The following LDLRAD4 variants were observed in gnomAD, a reference collection of about 807,000 sequenced individuals.
LDLRAD4 encodes the protein low density lipoprotein receptor class A domain containing 4, also known as low-density lipoprotein receptor class A domain-containing protein 4.
Under a neutral mutation model 17.0 loss-of-function variants are expected in LDLRAD4, and 5 were observed. That is an observed-to-expected ratio of 0.29 (90% confidence interval 0.15 to 0.62). The LOEUF (loss-of-function observed/expected upper bound fraction) is 0.62. Among genes scored for constraint, LDLRAD4 ranks in the 20% least tolerant of loss-of-function variants. The probability of loss-of-function intolerance (pLI) is 0.84; values close to 1 mark genes in which losing one functional copy is unlikely to be tolerated. For synonymous variants in LDLRAD4, 168 were observed against 171.8 expected (o/e 0.98, Z 0.17); for missense variants, 340 against 424.7 (o/e 0.80, Z 1.75).
intron 1 of LDLRAD4, among the ~76,000 whole-genome samples, chr18:13,258,358 G>C (rs1373636831): frequency 6.6e-6 from 1 of 151,634 alleles, no homozygotes; most frequent in Non-Finnish European, 1.5e-5. Context: ...TTAATTCTAC[G>C]AAATCCTTTT....
intron 3 of LDLRAD4, among the ~76,000 whole-genome samples, chr18:13,490,902 C>G (rs2093345078): frequency 6.6e-6 from 1 of 152,214 alleles, no homozygotes; most frequent in South Asian, 2.1e-4. Context: ...CACCCCCTGT[C>G]CCCTTTAGAT....
chr18:13,226,639 A>G lies in LDLRAD4; in HGVS notation c.-467+7651A>G, dbSNP rs1243925511. ...TTTTGCTGTTTGCTAGAATTTTGTT[A>G]AGGCCAAACATCATAATGTCAGTGG... is the stretch of plus-strand genomic sequence containing the variant. On this transcript the variant is annotated intron_variant, in intron 1 of 5. Coordinates refer to the LDLRAD4 transcript ENST00000399848. Among the ~76,000 whole-genome samples, 2 of 151,886 alleles carry G rather than the reference A, an allele frequency of 1.3e-5. 1 individual carries two copies. The highest frequency in any genetic ancestry group is 4.8e-5 in the African/African-American group (2 of 41,320).
At chr18:13,544,577 C>T (rs764821145) in intron 3 of LDLRAD4, among the ~76,000 whole-genome samples, 8 of 152,200 alleles carry the variant, frequency 5.3e-5, no homozygotes, top group Non-Finnish European at 1.0e-4. Flanking sequence ...TGGCAGCCTG[C>T]ATGGTGGATG....
intron 1 of LDLRAD4, among the ~76,000 whole-genome samples, chr18:13,301,010 G>A (rs1178583337): frequency 7.9e-5 from 12 of 152,214 alleles, no homozygotes; most frequent in Admixed American, 5.9e-4. Context: ...TGCCCTCAGC[G>A]GCCGCTGGAG....
At chr18:13,619,201 G>C (rs1045321374) in intron 3 of LDLRAD4, among the ~76,000 whole-genome samples, 3 of 152,144 alleles carry the variant, frequency 2.0e-5, no homozygotes, top group Non-Finnish European at 2.9e-5. Context: ...ACTCAGCCTG[G>C]GAGACGTCAC....
At chr18:13,323,923 G>A (rs992791928) in intron 1 of LDLRAD4, among the ~76,000 whole-genome samples, 11 of 16,118 alleles carry the variant, frequency 6.8e-4, no homozygotes, top group Non-Finnish European at 3.2e-3. Context: ...AAAATTAGCC[G>A]GGTGTGGTGT....
At chr18:13,456,717 T>C (rs1274815983) in intron 3 of LDLRAD4, among the ~76,000 whole-genome samples, 1 of 152,204 alleles carries the variant, frequency 6.6e-6, no homozygotes, top group East Asian at 1.9e-4. Context: ...TTTAAAAGGG[T>C]ATTTTATATA....
In LDLRAD4 at chr18:13,621,935, A is replaced by C. The variant is rs935110941; in HGVS notation, c.336+664A>C. ...GCACTATGATCAAACTTGAGAGACC[A>C]GGGGCTGCTGTCCCAAGCCTGTTTT... On this transcript the variant is annotated intron_variant, in intron 4 of 5. Transcript: ENST00000359446. This position sits in a 1 kb window ranked among gnomAD's most constrained non-coding sequence, Gnocchi z 5.5. Among the ~76,000 whole-genome samples, 8 of 152,156 alleles carry C rather than the reference A, an allele frequency of 5.3e-5. No individual in the cohort carries two copies. Among genetic ancestry groups the C allele is most frequent in the South Asian group, 2.1e-4 (1 of 4,830 alleles).
intron 3 of LDLRAD4, among the ~76,000 whole-genome samples, chr18:13,610,813 AG>A (rs1347830450): frequency 2.6e-5 from 4 of 152,090 alleles, no homozygotes; most frequent in African/African-American, 9.7e-5. Context: ...CCTCTTTCTG[AG>A]GGTGACTCCC....
At chr18:13,374,040 G>A (rs953943665) in intron 1 of LDLRAD4, among the ~76,000 whole-genome samples, 16 of 152,142 alleles carry the variant, frequency 1.1e-4, no homozygotes, top group African/African-American at 2.2e-4. Context: ...AAATGTGTAC[G>A]TTTGATCCTC....
chr18:13,583,593 G>T (rs74930144), intron 3 of LDLRAD4, among the ~76,000 whole-genome samples: 2,081 of 152,308 alleles, frequency 0.014, 54 homozygotes, highest in African/African-American at 0.046. Context: ...ATATCACCAC[G>T]TTCAACTGAT....
chr18:13,309,697 G>A (rs1483134251), intron 1 of LDLRAD4, among the ~76,000 whole-genome samples: 1 of 152,210 alleles, frequency 6.6e-6, no homozygotes, highest in Non-Finnish European at 1.5e-5. Flanking sequence ...TCTTTGTGGA[G>A]TATTTCCTGT....
At chr18:13,605,921 T>A (rs576256207) in intron 3 of LDLRAD4, among the ~76,000 whole-genome samples, 1 of 152,298 alleles carries the variant, frequency 6.6e-6, no homozygotes, top group Non-Finnish European at 1.5e-5. Flanking sequence ...CCTGGGCATC[T>A]GGTTAACATG....
At chr18:13,587,429 C>G (rs551333302) in intron 3 of LDLRAD4, among the ~76,000 whole-genome samples, 59 of 152,286 alleles carry the variant, frequency 3.9e-4, no homozygotes, top group African/African-American at 1.3e-3. Context: ...CGAGAACAGT[C>G]GACCTGTCAG....
At chr18:13,338,927 G>T (rs552933702) in intron 1 of LDLRAD4, among the ~76,000 whole-genome samples, 1 of 152,280 alleles carries the variant, frequency 6.6e-6, no homozygotes, top group East Asian at 1.9e-4. Flanking sequence ...TTTGCTTAGG[G>T]TTGGAAGGAG....
intron 3 of LDLRAD4, among the ~76,000 whole-genome samples, chr18:13,484,559 A>G (rs575584057): frequency 1.3e-5 from 2 of 152,296 alleles, no homozygotes; most frequent in South Asian, 4.1e-4. Flanking sequence ...CAGTGAGGTC[A>G]TGGCTGCAGT....
Position 13,301,085 on chromosome 18 carries a change from T to TG in LDLRAD4, c.-383+22904dup, listed in dbSNP as rs780960681. ...CCGAACTGGCCGGGGTGTCCGTGGT[T>TG]GGGGGGGTACAGGTGTTGGGAGTGG... On this transcript the variant is annotated intron_variant, in intron 1 of 5. Coordinates refer to ENST00000359446, the Ensembl canonical transcript of LDLRAD4. 3.7e-4 allele frequency among the ~76,000 whole-genome samples: 52 copies of TG among 141,660 alleles called. No homozygotes were observed. In the East Asian group the frequency reaches 5.8e-3, roughly 16 times the overall value. The allele number at this position is 141,660 out of a possible 152,430, so 92.9% of individuals were successfully genotyped here. A position where few individuals can be genotyped will look rare whatever the true frequency, so the allele number is the denominator to read the frequency against.
chr18:13,546,376 C>G (rs993993696), intron 3 of LDLRAD4, among the ~76,000 whole-genome samples: 1 of 129,004 alleles, frequency 7.8e-6, no homozygotes, highest in African/African-American at 2.8e-5. Flanking sequence ...CCCCCCTCCC[C>G]TCTTGCTTGC....
At chr18:13,444,355 C>G (rs2091244280) in intron 3 of LDLRAD4, among the ~76,000 whole-genome samples, 1 of 152,310 alleles carries the variant, frequency 6.6e-6, no homozygotes, top group African/African-American at 2.4e-5. Context: ...AAGCCCTCTC[C>G]CCTTCTCTTC....
Sources: allele counts gnomAD v4.1 joint callset (sites outside exome capture counted in the v4.1 genomes callset), GRCh38; gene constraint gnomAD v4.1.1; non-coding constraint Gnocchi (gnomAD v3.1); transcripts MANE v1.5; gene names NCBI Gene and HGNC (gene_info 2026-07-23, HGNC 2026-07-21).